The following LRIG1 variants were observed in gnomAD, a reference collection of about 807,000 sequenced individuals.
LRIG1 encodes the protein leucine rich repeats and immunoglobulin like domains 1, also known as leucine-rich repeats and immunoglobulin-like domains protein 1.
A neutral mutation model predicts 99.2 loss-of-function variants in LRIG1; 48 were observed. The observed-to-expected ratio is 0.48, with a 90% CI of 0.38 to 0.62. The LOEUF is 0.62. LRIG1 is among the 20% of genes least tolerant of loss of function. The pLI is 0.00. For synonymous variants in LRIG1, 772 were observed against 596.1 expected, an observed-to-expected ratio of 1.29 and a Z score of -4.30; for missense variants, 1,646 against 1,434.4, an observed-to-expected ratio of 1.15 and a Z score of -2.38.
intron 13 of LRIG1, 22 bp downstream of exon 13, chr3:66,385,959 A>G (rs1701351635): frequency 1.9e-6 from 3 of 1,601,940 alleles, no homozygotes; most frequent in East Asian, 2.2e-5. Context: ...CTGGTACTAT[A>G]ACAAAGATGG....
At chr3:66,388,701 T>C (rs968337586) in intron 12 of LRIG1, among the ~76,000 whole-genome samples, 6 of 152,140 alleles carry the variant, frequency 3.9e-5, no homozygotes, top group African/African-American at 9.7e-5. Context: ...TAGGAAGATA[T>C]TCAAATTACT....
chr3:66,384,634 T>C (rs976067674), intron 13 of LRIG1, among the ~76,000 whole-genome samples: 5 of 151,480 alleles, frequency 3.3e-5, no homozygotes, highest in African/African-American at 9.7e-5. Flanking sequence ...GCTGTGGAGA[T>C]GGAATTACAG....
At position 66,451,547 on chromosome 3, in the gene LRIG1, G is replaced by A. The variant is rs371451783; in HGVS notation, c.365+12C>T. ...CCACACAGCCCAGAGTCCCCCAAAC[G>A]GCACCACTTACAGAAAGAGAGAGAC... On this transcript the variant is annotated intron_variant, in intron 3 of 18. Coordinates refer to ENST00000273261, the MANE Select transcript of LRIG1 (RefSeq NM_015541.3). 81 of 1,613,406 alleles carry A rather than the reference G, an allele frequency of 5.0e-5. No homozygotes were observed. The highest frequency in any genetic ancestry group is 2.0e-4 in the Admixed American group (12 of 59,940).
chr3:66,404,353 CCTCT>C (rs1327196171), intron 9 of LRIG1: 53 of 1,285,892 alleles, frequency 4.1e-5, no homozygotes, highest in Non-Finnish European at 5.2e-5. Flanking sequence ...CGGCAGCCGT[CCTCT>C]CTGTCTTGCC....
intron 1 of LRIG1, among the ~76,000 whole-genome samples, chr3:66,492,522 C>G (rs1701124705): frequency 1.3e-5 from 2 of 152,054 alleles, no homozygotes; most frequent in Admixed American, 6.5e-5. Context: ...TCACTCATTT[C>G]CTTCATTTTC....
intron 13 of LRIG1, 71 bp from the exon 14 acceptor site, chr3:66,384,343 A>T: frequency 6.7e-7 from 1 of 1,488,254 alleles, no homozygotes; most frequent in South Asian, 1.3e-5. Flanking sequence ...CCTCTGGCAA[A>T]CACCTACCTG....
intron 3 of LRIG1, among the ~76,000 whole-genome samples, chr3:66,431,299 G>C (rs78101419): frequency 6.6e-6 from 1 of 152,244 alleles, no homozygotes; most frequent in African/African-American, 2.4e-5. Context: ...CCAGACTCCA[G>C]GGGCTGAGCA....
At chr3:66,462,267 T>C (rs976168665) in intron 2 of LRIG1, among the ~76,000 whole-genome samples, 171 bp downstream of exon 2, 8 of 152,018 alleles carry the variant, frequency 5.3e-5, no homozygotes, top group African/African-American at 1.9e-4. Flanking sequence ...GAGCCTACAG[T>C]AAGGGAGAGA....
At chr3:66,389,477 T>A (rs1191611442) in intron 12 of LRIG1, among the ~76,000 whole-genome samples, 1 of 152,092 alleles carries the variant, frequency 6.6e-6, no homozygotes, top group Non-Finnish European at 1.5e-5. Context: ...AGACACAGTG[T>A]GGATTCAAAG....
intron 6 of LRIG1, among the ~76,000 whole-genome samples, chr3:66,411,427 GA>G (rs1195080683): frequency 6.6e-6 from 1 of 152,210 alleles, no homozygotes; most frequent in Admixed American, 6.5e-5. Flanking sequence ...TTTCCTCTGA[GA>G]ATTCTCTTTT....
At chr3:66,418,941 C>T (rs1307188861) in intron 3 of LRIG1, among the ~76,000 whole-genome samples, 1 of 152,152 alleles carries the variant, frequency 6.6e-6, no homozygotes, top group East Asian at 1.9e-4. Flanking sequence ...AAAGCCACTT[C>T]CTTTGAGTTC....
chr3:66,443,859 G>A (rs1703628562), intron 3 of LRIG1, among the ~76,000 whole-genome samples: 1 of 152,168 alleles, frequency 6.6e-6, no homozygotes, highest in Non-Finnish European at 1.5e-5. Context: ...GCCCACTGTT[G>A]ACCTGACCAC....
intron 12 of LRIG1, among the ~76,000 whole-genome samples, chr3:66,392,859 A>AT (rs1308876834): frequency 6.6e-6 from 1 of 152,252 alleles, no homozygotes; most frequent in Non-Finnish European, 1.5e-5. Context: ...ACAATGGATT[A>AT]TACAGCCATT....
At chr3:66,471,965 A>G (rs188614314) in intron 1 of LRIG1, among the ~76,000 whole-genome samples, 145 of 152,188 alleles carry the variant, frequency 9.5e-4, no homozygotes, top group African/African-American at 3.2e-3. Context: ...GAAACCACCA[A>G]TGCAAAATCC....
intron 1 of LRIG1, among the ~76,000 whole-genome samples, chr3:66,480,165 T>C (rs527442967): frequency 2.0e-4 from 30 of 152,240 alleles, no homozygotes; most frequent in African/African-American, 6.3e-4. Flanking sequence ...TGCCATAATA[T>C]GGACGAATCA....
chr3:66,471,378 CT>C (rs60204675), intron 1 of LRIG1, among the ~76,000 whole-genome samples: 111,518 of 152,150 alleles, frequency 0.73, 47,501 homozygotes, highest in Non-Finnish European at 0.96. Flanking sequence ...AATAGCCCCC[CT>C]ATCCTCACCC....
At chr3:66,493,835 A>G in intron 1 of LRIG1, among the ~76,000 whole-genome samples, 1 of 150,408 alleles carries the variant, frequency 6.6e-6, no homozygotes, top group African/African-American at 2.5e-5. Context: ...AAAGAAAAAA[A>G]AGAGAGAGAG....
chr3:66,437,406 C>A (rs9856474), intron 3 of LRIG1, among the ~76,000 whole-genome samples: 38,601 of 152,188 alleles, frequency 0.25, 6,001 homozygotes, highest in East Asian at 0.7. Context: ...CTGGGCCAGG[C>A]GGCCTCTCAC....
At chr3:66,497,352 C>G (rs1235683840) in intron 1 of LRIG1, among the ~76,000 whole-genome samples, 1 of 152,156 alleles carries the variant, frequency 6.6e-6, no homozygotes, top group Non-Finnish European at 1.5e-5. Flanking sequence ...AAGCCATGCT[C>G]TCAAAAATAA....
Sources: gnomAD v4.1 joint callset for allele counts (sites outside exome capture counted in the v4.1 genomes callset) on GRCh38, gnomAD v4.1.1 for gene constraint, MANE v1.5 for transcripts, NCBI Gene and HGNC (gene_info 2026-07-23, HGNC 2026-07-21) for gene names.